The following JAK2 variants were observed in gnomAD, a reference collection of about 807,000 sequenced individuals.
JAK2 encodes Janus kinase 2, also known as tyrosine-protein kinase JAK2.
JAK2 carries 86 observed loss-of-function variants against 139.3 expected under a neutral mutation model. The ratio of observed to expected loss-of-function variants is 0.62; its 90% CI spans 0.52 to 0.74. The LOEUF is 0.74. Among genes scored for constraint, JAK2 ranks in the 30% least tolerant of loss-of-function variants. JAK2 has a pLI of 0.00. For missense variants in JAK2, 1,421 were observed against 1,360.3 expected (o/e 1.04, Z -0.70); for synonymous variants, 490 against 437.7 (o/e 1.12, Z -1.49).
chr9:5,030,021 C>A, intron 4 of JAK2, 115 bp downstream of exon 4: 1 of 792,336 alleles, frequency 1.3e-6, no homozygotes, highest in South Asian at 2.2e-5. Context: ...AATTAGTTAG[C>A]ACTCATTTAA....
rs1823738719 is a variant in JAK2 at position 5,123,106 on chromosome 9, T to A, written c.3162T>A (p.Ser1054Arg). The A allele has an allele frequency of 4.4e-6, 7 of 1,599,572 alleles. No individual in the cohort carries two copies. The highest frequency in any genetic ancestry group is 6.0e-6 in the Non-Finnish European group (7 of 1,171,286). The change falls in exon 23 of 25, where the codon AGT becomes AGA. Residue 1054 changes from serine (S) to arginine (R), a missense_variant. Coordinates refer to ENST00000381652, the MANE Select transcript of JAK2 (RefSeq NM_004972.4). ...AACTTTTCACATACATTGAGAAGAGTAAAAGTCCACCAGCGGTCAGTGTGC... is the reference window on the plus strand; with the variant it reads ...AACTTTTCACATACATTGAGAAGAGAAAAAGTCCACCAGCGGTCAGTGTGC... Reference protein sequence around the residue: ...LYELFTYIEKSKSPPAEFMRM... With the variant: ...LYELFTYIEKRKSPPAEFMRM...
chr9:5,052,216 A>G (rs1399315208), intron 6 of JAK2, among the ~76,000 whole-genome samples: 4 of 152,106 alleles, frequency 2.6e-5, no homozygotes, highest in Admixed American at 1.3e-4. Flanking sequence ...CTGTCATCCA[A>G]AGTCTTGGCA....
At chr9:5,089,619 T>G in intron 19 of JAK2, 55 bp from the exon 20 acceptor site, 2 of 809,222 alleles carry the variant, frequency 2.5e-6, no homozygotes, top group Middle Eastern at 5.3e-4. Flanking sequence ...TAAAATTTAT[T>G]TGTAATTTGC....
At chr9:4,999,299 A>T (rs79901873) in intron 2 of JAK2, among the ~76,000 whole-genome samples, 6,846 of 152,298 alleles carry the variant, frequency 0.045, 514 homozygotes, top group African/African-American at 0.16. Flanking sequence ...TAAGTGAAAG[A>T]ATCATGACAT....
chr9:5,035,162 A>G (rs1302574350), intron 4 of JAK2, among the ~76,000 whole-genome samples: 1 of 152,142 alleles, frequency 6.6e-6, no homozygotes, highest in African/African-American at 2.4e-5. Flanking sequence ...GGACACATAC[A>G]CCCTCCCAAG....
intron 2 of JAK2, among the ~76,000 whole-genome samples, chr9:5,001,982 T>G (rs1820952627): frequency 6.6e-6 from 1 of 152,028 alleles, no homozygotes; most frequent in South Asian, 2.1e-4. Flanking sequence ...TATCTTTTTA[T>G]ATCCACTTAC....
At chr9:5,077,652 T>C (rs1282666614) in intron 15 of JAK2, 72 bp downstream of exon 15, 11 of 985,780 alleles carry the variant, frequency 1.1e-5, no homozygotes, top group Non-Finnish European at 1.5e-5. Flanking sequence ...TATCTTTACC[T>C]GGAAACAAAA....
At chr9:5,033,855 A>C (rs1387209380) in intron 4 of JAK2, among the ~76,000 whole-genome samples, 1 of 152,220 alleles carries the variant, frequency 6.6e-6, no homozygotes, top group African/African-American at 2.4e-5. Flanking sequence ...TAACCAGGTA[A>C]CGTCATAAAG....
chr9:5,044,161 C>T (rs535539633), intron 4 of JAK2, among the ~76,000 whole-genome samples: 1 of 152,118 alleles, frequency 6.6e-6, no homozygotes, highest in East Asian at 1.9e-4. Context: ...CCTACTATTG[C>T]TTCTACATTT....
At chr9:5,078,525 T>A (rs1354762834) in intron 16 of JAK2, 81 bp downstream of exon 16, 1 of 1,023,790 alleles carries the variant, frequency 9.8e-7, no homozygotes, top group African/African-American at 1.6e-5. Flanking sequence ...TAATTTTCCT[T>A]GAATTCCATT....
At chr9:5,051,821 G>A (rs1049112484) in intron 6 of JAK2, among the ~76,000 whole-genome samples, 1 of 152,120 alleles carries the variant, frequency 6.6e-6, no homozygotes, top group East Asian at 1.9e-4. Flanking sequence ...TACCCAATTT[G>A]CAGAGTATCA....
At chr9:5,123,757 C>T (rs1823788184) in intron 23 of JAK2, among the ~76,000 whole-genome samples, 1 of 151,958 alleles carries the variant, frequency 6.6e-6, no homozygotes, top group Admixed American at 6.6e-5. Context: ...TACAAATGCA[C>T]ATTCTCACCA....
At chr9:5,106,610 C>T (rs7019858) in intron 22 of JAK2, among the ~76,000 whole-genome samples, 95,704 of 152,130 alleles carry the variant, frequency 0.63, 32,192 homozygotes, top group African/African-American at 0.88. Context: ...TGTATGTTTA[C>T]TGTGGCACTA....
intron 4 of JAK2, among the ~76,000 whole-genome samples, chr9:5,030,166 A>C (rs1823051740): frequency 6.6e-6 from 1 of 152,202 alleles, no homozygotes; most frequent in African/African-American, 2.4e-5. Flanking sequence ...TTAAATAAGT[A>C]AACAAAATCA....
chr9:5,068,539 A>G (rs1420850988), intron 10 of JAK2, among the ~76,000 whole-genome samples: 1 of 152,200 alleles, frequency 6.6e-6, no homozygotes, highest in African/African-American at 2.4e-5. Flanking sequence ...GTGGGTATAC[A>G]TTCTTAGGTA....
At chr9:5,030,023 CTCATTTAAGATT>C (rs1823041097) in intron 4 of JAK2, 117 bp downstream of exon 4, 3 of 772,806 alleles carry the variant, frequency 3.9e-6, no homozygotes, top group African/African-American at 1.8e-5. Context: ...TTAGTTAGCA[CTCATTTAAGATT>C]TCATTTAAGA....
At chr9:5,075,279 A>G (rs1277143429) in intron 14 of JAK2, among the ~76,000 whole-genome samples, 1 of 152,244 alleles carries the variant, frequency 6.6e-6, no homozygotes, top group Non-Finnish European at 1.5e-5. Flanking sequence ...GAAGATGGTG[A>G]CACTAACAAA....
At position 5,128,073 on chromosome 9, in the gene JAK2, G is replaced by A. The variant is rs1824114000; in HGVS notation, c.*1282G>A. On this transcript the variant is annotated 3_prime_UTR_variant, in exon 25 of 25. Coordinates refer to ENST00000381652, the MANE Select transcript of JAK2 (RefSeq NM_004972.4). ...GACACCATAGCTAAAATAAAATATG[G>A]TGGGTTTTGTGTGTGTGTGTGTGTG... is the stretch of plus-strand genomic sequence containing the variant. 1 of 198,632 alleles carries A rather than the reference G, an allele frequency of 5.0e-6. No homozygotes were observed. The allele number at this position is 198,632 out of a possible 1,614,324, so 12.3% of individuals were successfully genotyped here. A position where few individuals can be genotyped will look rare whatever the true frequency, so the allele number is the denominator to read the frequency against.
intron 2 of JAK2, among the ~76,000 whole-genome samples, chr9:5,017,850 C>G (rs933815708): frequency 6.6e-6 from 1 of 152,082 alleles, no homozygotes; most frequent in African/African-American, 2.4e-5. Flanking sequence ...TTGTTATATC[C>G]TCTTGATGAA....
Sources: allele counts gnomAD v4.1 joint callset (sites outside exome capture counted in the v4.1 genomes callset), GRCh38; gene constraint gnomAD v4.1.1; transcripts MANE v1.5; gene names NCBI Gene and HGNC (gene_info 2026-07-23, HGNC 2026-07-21).